The following POLRMT variants were observed in gnomAD, a reference collection of about 807,000 sequenced individuals.
POLRMT encodes the protein RNA polymerase mitochondrial.
A neutral mutation model predicts 132.2 loss-of-function variants in POLRMT; 114 were observed. The observed-to-expected ratio is 0.86, with a 90% CI of 0.74 to 1.01. POLRMT has a LOEUF of 1.01. Ranked by LOEUF, POLRMT falls within the 50% of genes least tolerant of loss-of-function variation. POLRMT has a pLI of 0.00. For missense variants in POLRMT, 2,003 were observed against 1,729.1 expected (o/e 1.16, Z -2.81); for synonymous variants, 1,020 against 773.4 (o/e 1.32, Z -5.29).
At position 621,635 on chromosome 19, in the gene POLRMT, G is replaced by A. The variant is rs748001869; in HGVS notation, c.2063C>T (p.Pro688Leu). The A allele has an allele frequency of 1.3e-6, 2 of 1,530,816 alleles. No homozygotes were observed. The allele number at this position is 1,530,816 out of a possible 1,614,324, so 94.8% of individuals were successfully genotyped here. A position where few individuals can be genotyped will look rare whatever the true frequency, so the allele number is the denominator to read the frequency against. ...TQHQELLETC[P>L]PTALHGALDA... ...CAGTGCGCCATGCAGCGCGGTGGGCGGGCAGGTTTCCAGCAGCTCCTGGTG... is the reference window on the plus strand; with the variant it reads ...CAGTGCGCCATGCAGCGCGGTGGGCAGGCAGGTTTCCAGCAGCTCCTGGTG... Residue 688 changes from proline (P) to leucine (L), a missense_variant, in exon 10 of 21, where the codon CCG becomes CTG. Physicochemically the swap from Pro to Leu is moderately conservative, Grantham distance 98. Coordinates refer to ENST00000588649, the MANE Select transcript of POLRMT (RefSeq NM_005035.4).
rs779604508 is a variant in POLRMT at position 630,134 on chromosome 19, C to A, written c.228G>T (p.Glu76Asp). 6.2e-7 allele frequency: 1 copy of A among 1,607,252 alleles called. No individual in the cohort carries two copies. Among genetic ancestry groups the A allele is most frequent in the East Asian group, 2.2e-5 (1 of 44,728 alleles). ...TGTTCACCACCACCTCCGACACGCTCTCAGCCTGCAGCTGCCGCACCCGCG... is the reference window on the plus strand; with the variant it reads ...TGTTCACCACCACCTCCGACACGCTATCAGCCTGCAGCTGCCGCACCCGCG... ...LQARVRQLQA[E>D]SVSEVVVNRV... Residue 76 changes from glutamate (E) to aspartate (D), a missense_variant, in exon 3 of 21, where the codon GAG becomes GAT. Physicochemically the swap from Glu to Asp is conservative, Grantham distance 45. Transcript: ENST00000588649.
rs1300298946 is a variant in POLRMT, at chr19:633,340, G to A, written c.88+85C>T. On this transcript the variant is annotated intron_variant, in intron 1 of 20. Coordinates refer to ENST00000588649, the MANE Select transcript of POLRMT (RefSeq NM_005035.4). ...GCACGCCCAGGTGCAAAGAGGCAAA[G>A]GTCAAAGCGCCAAAGGCCCCGGCCG... 5.6e-5 allele frequency: 76 copies of A among 1,367,714 alleles called. No homozygotes were observed. The East Asian group carries it at 2.2e-3, about 40-fold the overall frequency. The allele number at this position is 1,367,714 out of a possible 1,614,324, so 84.7% of individuals were successfully genotyped here. A position where few individuals can be genotyped will look rare whatever the true frequency, so the allele number is the denominator to read the frequency against.
chr19:624,028 G>C (rs1362796143), intron 5 of POLRMT, among the ~76,000 whole-genome samples: 1 of 152,240 alleles, frequency 6.6e-6, no homozygotes, highest in African/African-American at 2.4e-5. Context: ...ATAAAAGCTT[G>C]TACACAAACG....
At position 620,373 on chromosome 19, in the gene POLRMT, C is replaced by A; in HGVS notation, c.2755G>T (p.Val919Phe). The A allele has an allele frequency of 6.3e-6, 10 of 1,576,428 alleles. No homozygotes were observed. The highest frequency in any genetic ancestry group is 8.6e-6 in the Non-Finnish European group (10 of 1,162,098). The part of the protein sequence containing the change: ...DPAAYVSHLP[V>F]HQDGSCNGLQ... ...AGACCCAGCTGGCTCACCTGATGGA[C>A]GGGGAGGTGGGAGACATAGGCGGCA... The change falls in exon 11 of 21, where the codon GTC (valine) becomes TTC (phenylalanine). Residue 919 changes from valine to phenylalanine, a missense_variant. Physicochemically the swap from Val to Phe is conservative, Grantham distance 50 (BLOSUM62 -1). Transcript: ENST00000588649.
chr19:618,347 C>A (rs1265084928), intron 17 of POLRMT, 141 bp downstream of exon 17: 2 of 675,774 alleles, frequency 3.0e-6, no homozygotes, highest in African/African-American at 3.9e-5. Context: ...CTCAGGGCCT[C>A]TACACAGGCC....
intron 3 of POLRMT, among the ~76,000 whole-genome samples, chr19:628,023 G>A (rs915001921): frequency 6.6e-6 from 1 of 152,082 alleles, no homozygotes; most frequent in Non-Finnish European, 1.5e-5. Context: ...CAATTATCCG[G>A]GGGTGGTGGC....
intron 19 of POLRMT, 38 bp from the exon 20 acceptor site, chr19:617,518 G>C (rs751299579): frequency 5.7e-6 from 9 of 1,592,202 alleles, no homozygotes; most frequent in Non-Finnish European, 7.7e-6. Context: ...GCTGAGGCCA[G>C]GTTTTGGGGT....
chr19:618,470 C>G lies in POLRMT; in HGVS notation c.3422+18G>C, dbSNP rs1258681910. ...CCCTGGGAGGCGAGCGGCACCCACG[C>G]CGTCCGGAGACGCCCACCTGTAGCA... On this transcript the variant is annotated intron_variant, in intron 17 of 20. Coordinates refer to ENST00000588649, the MANE Select transcript of POLRMT (RefSeq NM_005035.4). The G allele has an allele frequency of 6.4e-7, 1 of 1,570,412 alleles. No homozygotes were observed. Among genetic ancestry groups the G allele is most frequent in the Non-Finnish European group, 8.7e-7 (1 of 1,148,898 alleles).
chr19:621,938 G>A (rs889068760), intron 9 of POLRMT, 92 bp from the exon 10 acceptor site: 44 of 1,442,170 alleles, frequency 3.1e-5, no homozygotes, highest in South Asian at 7.8e-5. Flanking sequence ...CCGGCTCCCC[G>A]GCCAACAAGA....
In POLRMT at chr19:629,558, C is replaced by T; in HGVS notation, c.804G>A (p.Met268Ile). The change falls in exon 3 of 21, where the codon ATG becomes ATA. Residue 268 changes from methionine (M) to isoleucine (I), a missense_variant. By Grantham distance (10) the Met-to-Ile change is conservative. Coordinates refer to ENST00000588649, the MANE Select transcript of POLRMT (RefSeq NM_005035.4). ...CACTCACCTGCCGCGCCCAGCCAAG[C>T]ATCACGGCGTTGTACATGTCCAGCG... Reference protein sequence around the residue: ...LLTLDMYNAVMLGWARQGAFK... With the variant: ...LLTLDMYNAVILGWARQGAFK... 6.5e-7 allele frequency: 1 copy of T among 1,537,774 alleles called. No homozygotes were observed. The highest frequency in any genetic ancestry group is 1.2e-5 in the South Asian group (1 of 80,030).
rs1433584091 is a variant in POLRMT, at chr19:622,343, A to G, written c.1657T>C (p.Trp553Arg). 1.3e-6 allele frequency: 2 copies of G among 1,556,434 alleles called. No individual in the cohort carries two copies. The highest frequency in any genetic ancestry group is 1.7e-6 in the Non-Finnish European group (2 of 1,152,394). The change falls in exon 9 of 21, where the codon TGG becomes CGG. Residue 553 changes from tryptophan (W) to arginine (R), a missense_variant. Transcript: ENST00000588649. ...VPEPCLPRQY[W>R]EELGAPEALR... ...GCCTCGGGCGCCCCCAGCTCCTCCC[A>G]GTACTGCCGCGGCAGGCAGGGCTCG...
intron 2 of POLRMT, 83 bp from the exon 3 acceptor site, chr19:630,251 G>C: frequency 6.8e-7 from 1 of 1,477,498 alleles, no homozygotes. Context: ...AGCCAGGCCA[G>C]GAGGTGCAGG....
At chr19:632,592 G>A (rs1206672331) in intron 2 of POLRMT, among the ~76,000 whole-genome samples, 2 of 152,118 alleles carry the variant, frequency 1.3e-5, no homozygotes, top group African/African-American at 4.8e-5. Flanking sequence ...CCTGGAAAGT[G>A]GGAGCACCTG....
chr19:630,041 G>C lies in POLRMT; in HGVS notation c.321C>G (p.Val107=). 1 of 1,613,844 alleles carries C rather than the reference G, an allele frequency of 6.2e-7. No homozygotes were observed. The highest frequency in any genetic ancestry group is 8.5e-7 in the Non-Finnish European group (1 of 1,180,016). ...GDGSLQPPRK[V]QMGAKDATPV... ...GGGTGGCATCCTTGGCCCCCATCTGGACCTTCCTGGGTGGCTGGAGGCTAC... is the reference window on the plus strand; with the variant it reads ...GGGTGGCATCCTTGGCCCCCATCTGCACCTTCCTGGGTGGCTGGAGGCTAC... The change falls in exon 3 of 21, where the codon GTC becomes GTG. Residue 107 remains valine, a synonymous_variant. Transcript: ENST00000588649.
At chr19:631,681 C>A (rs115414704) in intron 2 of POLRMT, among the ~76,000 whole-genome samples, 1 of 151,976 alleles carries the variant, frequency 6.6e-6, no homozygotes, top group African/African-American at 2.4e-5. Flanking sequence ...GCGTGATGTC[C>A]GCCTTCAGAG....
chr19:628,570 G>A (rs1023796707), intron 3 of POLRMT, among the ~76,000 whole-genome samples: 1 of 152,186 alleles, frequency 6.6e-6, no homozygotes, highest in East Asian at 1.9e-4. Context: ...AGTATCCCAT[G>A]TTTACCCAAA....
chr19:631,309 C>G (rs1985396552), intron 2 of POLRMT, among the ~76,000 whole-genome samples: 1 of 137,660 alleles, frequency 7.3e-6, no homozygotes, highest in African/African-American at 2.8e-5. Flanking sequence ...GCCTGAGAGA[C>G]AGAGCAGGAC....
chr19:621,057 C>G lies in POLRMT; in HGVS notation c.2640+1G>C. Reference sequence around the variant, plus strand: ...GGGGAATGCGGGGGCCCCGCCCCTACCGTCAAGGGTTGGTCCGCGGAGTCC... The same window carrying G: ...GGGGAATGCGGGGGCCCCGCCCCTAGCGTCAAGGGTTGGTCCGCGGAGTCC... On this transcript the variant is annotated splice_donor_variant, in intron 10 of 20. Coordinates refer to ENST00000588649, the MANE Select transcript of POLRMT (RefSeq NM_005035.4). LOFTEE classifies it high-confidence loss of function. The G allele has an allele frequency of 6.3e-7, 1 of 1,589,078 alleles. No homozygotes were observed.
chr19:617,604 G>A lies in POLRMT; in HGVS notation c.3547C>T (p.Leu1183=), dbSNP rs753359532. The part of the protein sequence containing the change: ...RLHSEPILQD[L]SRFLVKRFCS... Reference sequence around the variant, plus strand: ...AACCGCTTGACCAGGAATCTGGACAGGTCCTGCAGGATGGGCTCGCTGTGC... The same window carrying A: ...AACCGCTTGACCAGGAATCTGGACAAGTCCTGCAGGATGGGCTCGCTGTGC... The change falls in exon 19 of 21, where the codon CTG becomes TTG. Residue 1183 remains leucine, a synonymous_variant. Transcript: ENST00000588649. The A allele has an allele frequency of 5.0e-6, 8 of 1,612,406 alleles. No homozygotes were observed. The highest frequency in any genetic ancestry group is 2.2e-5 in the South Asian group (2 of 91,072).
Sources: gnomAD v4.1 joint callset for allele counts (sites outside exome capture counted in the v4.1 genomes callset) on GRCh38, gnomAD v4.1.1 for gene constraint, MANE v1.5 for transcripts, NCBI Gene and HGNC (gene_info 2026-07-23, HGNC 2026-07-21) for gene names.